DISC1: variants seen among roughly 807,000 people sequenced by gnomAD.
DISC1 encodes the protein disrupted in schizophrenia 1 protein.
DISC1 carries 57 observed loss-of-function variants against 84.5 expected under a neutral mutation model. The observed-to-expected ratio is 0.67, with a 90% CI of 0.55 to 0.84. The LOEUF is 0.84. Among genes scored for constraint, DISC1 ranks in the 40% least tolerant of loss-of-function variants. The pLI, the probability that DISC1 is intolerant of heterozygous loss-of-function variation, is 0.00. For missense variants in DISC1, 1,000 were observed against 1,057.8 expected (o/e 0.95, Z 0.76); for synonymous variants, 411 against 415.2 (o/e 0.99, Z 0.12).
chr1:231,640,954 C>T lies in DISC1; in HGVS notation c.67+14020C>T, dbSNP rs149501500. 2.8e-3 allele frequency among the ~76,000 whole-genome samples: 424 copies of T among 152,294 alleles called. 1 individual carries two copies. The highest frequency in any genetic ancestry group is 9.0e-3 in the African/African-American group (373 of 41,570). On this transcript the variant is annotated intron_variant, in intron 1 of 12. Coordinates refer to ENST00000439617, the MANE Select transcript of DISC1 (RefSeq NM_018662.3). Reference sequence around the variant, plus strand: ...TGCCTTTTGGATGAATCCTGTGATGCCACATTTTCCAGCCTTAGGACAAAT... The same window carrying T: ...TGCCTTTTGGATGAATCCTGTGATGTCACATTTTCCAGCCTTAGGACAAAT...
chr1:231,868,203 G>A (rs763300105), intron 9 of DISC1, among the ~76,000 whole-genome samples: 4 of 152,084 alleles, frequency 2.6e-5, no homozygotes, highest in Non-Finnish European at 2.9e-5. Flanking sequence ...CAAACCCTCC[G>A]TTCTCCCCTT....
chr1:231,705,839 G>A (rs947513821), intron 3 of DISC1, among the ~76,000 whole-genome samples: 13 of 152,110 alleles, frequency 8.5e-5, no homozygotes, highest in African/African-American at 3.1e-4. Flanking sequence ...GTGCAGCCCT[G>A]TTCTGTCTCA....
intron 12 of DISC1, among the ~76,000 whole-genome samples, chr1:232,027,281 G>A (rs1357869261): frequency 6.6e-6 from 1 of 152,202 alleles, no homozygotes; most frequent in Non-Finnish European, 1.5e-5. Context: ...GTAATGGGCA[G>A]TACAGTAACA....
intron 12 of DISC1, among the ~76,000 whole-genome samples, chr1:232,032,080 C>T (rs368218273): frequency 3.3e-5 from 5 of 152,116 alleles, no homozygotes; most frequent in African/African-American, 2.4e-5. Flanking sequence ...ATACCAAATC[C>T]AAAAATCCCA....
At chr1:231,844,625 G>C (rs559612653) in intron 9 of DISC1, among the ~76,000 whole-genome samples, 3 of 152,130 alleles carry the variant, frequency 2.0e-5, no homozygotes, top group Non-Finnish European at 2.9e-5. Flanking sequence ...TTATAGGAAG[G>C]TTTAAAAATT....
chr1:231,967,077 CTAA>C (rs1489616337), intron 10 of DISC1, among the ~76,000 whole-genome samples: 2 of 152,170 alleles, frequency 1.3e-5, no homozygotes, highest in African/African-American at 4.8e-5. Flanking sequence ...TTTTTAAAAA[CTAA>C]TGTTTACTTT....
intron 11 of DISC1, among the ~76,000 whole-genome samples, chr1:232,020,839 G>C (rs191395568): frequency 6.6e-6 from 1 of 152,172 alleles, no homozygotes; most frequent in Non-Finnish European, 1.5e-5. Context: ...ATTAGAAATT[G>C]AGGTAGAGTT....
chr1:231,903,960 T>A (rs1481651508), intron 9 of DISC1, among the ~76,000 whole-genome samples: 1 of 152,162 alleles, frequency 6.6e-6, no homozygotes, highest in Non-Finnish European at 1.5e-5. Context: ...CAGAAGAAAC[T>A]GCAAAAGCAG....
intron 8 of DISC1, among the ~76,000 whole-genome samples, chr1:231,815,749 A>AAAAAG (rs1553361758): frequency 1.3e-5 from 2 of 151,566 alleles, no homozygotes; most frequent in East Asian, 3.9e-4. Flanking sequence ...AAAAAAAAAA[A>AAAAAG]AAAGAAAGAA....
At chr1:231,654,938 G>A (rs1455685736) in intron 1 of DISC1, among the ~76,000 whole-genome samples, 1 of 152,130 alleles carries the variant, frequency 6.6e-6, no homozygotes, top group East Asian at 1.9e-4. Flanking sequence ...TTTGCTACAA[G>A]GCTGAATCTT....
At chr1:232,014,402 T>C (rs1004493383) in intron 11 of DISC1, among the ~76,000 whole-genome samples, 1 of 152,204 alleles carries the variant, frequency 6.6e-6, no homozygotes, top group African/African-American at 2.4e-5. Flanking sequence ...GTTTAATGTC[T>C]TTGGGGAGAA....
intron 9 of DISC1, among the ~76,000 whole-genome samples, chr1:231,864,280 G>C (rs2125931131): frequency 6.6e-6 from 1 of 152,140 alleles, no homozygotes; most frequent in African/African-American, 2.4e-5. Context: ...TATGTCGTCT[G>C]TATAACAAGC....
intron 10 of DISC1, among the ~76,000 whole-genome samples, chr1:232,004,839 C>T (rs915803562): frequency 2.0e-5 from 3 of 150,606 alleles, no homozygotes; most frequent in African/African-American, 7.3e-5. Flanking sequence ...CTCCCTCCCT[C>T]GCTCCATCTC....
At chr1:231,711,199 T>C (rs1419801772) in intron 3 of DISC1, among the ~76,000 whole-genome samples, 2 of 152,040 alleles carry the variant, frequency 1.3e-5, no homozygotes, top group Non-Finnish European at 2.9e-5. Flanking sequence ...TACCATGCCA[T>C]GGTGGACAAA....
intron 10 of DISC1, among the ~76,000 whole-genome samples, chr1:232,007,333 G>T (rs1007863921): frequency 6.6e-6 from 1 of 152,154 alleles, no homozygotes; most frequent in African/African-American, 2.4e-5. Context: ...GTGCTAGCCC[G>T]TGAAAGCAGC....
chr1:231,777,736 CTTAG>C (rs1275875243), intron 6 of DISC1, among the ~76,000 whole-genome samples: 26 of 152,300 alleles, frequency 1.7e-4, no homozygotes, highest in African/African-American at 6.3e-4. Flanking sequence ...GTCTGTCCTT[CTTAG>C]TTAGACTGGT....
At chr1:232,015,782 G>A (rs971921230) in intron 11 of DISC1, among the ~76,000 whole-genome samples, 1 of 152,136 alleles carries the variant, frequency 6.6e-6, no homozygotes, top group African/African-American at 2.4e-5. Flanking sequence ...TCAGTGAATC[G>A]TTTAATGCCT....
chr1:231,835,271 G>C lies in DISC1; in HGVS notation c.1981+16754G>C, dbSNP rs1175265200. On this transcript the variant is annotated intron_variant, in intron 9 of 12. Coordinates refer to ENST00000439617, the MANE Select transcript of DISC1 (RefSeq NM_018662.3). ...TCCGTGTGAAGAGACCGCTAAACAG[G>C]CTTTGTGTGAGCAACAAGGCTGTTT... 5.3e-5 allele frequency among the ~76,000 whole-genome samples: 8 copies of C among 152,314 alleles called. No individual in the cohort carries two copies. The East Asian group carries it at 1.4e-3, about 26-fold the overall frequency.
At chr1:231,919,958 C>T (rs930481964) in intron 9 of DISC1, among the ~76,000 whole-genome samples, 3 of 152,188 alleles carry the variant, frequency 2.0e-5, no homozygotes, top group African/African-American at 4.8e-5. Context: ...TTGCCTCTCT[C>T]GGGCAGAGCT....
Sources: allele counts gnomAD v4.1 joint callset (sites outside exome capture counted in the v4.1 genomes callset), GRCh38; gene constraint gnomAD v4.1.1; transcripts MANE v1.5; gene names NCBI Gene and HGNC (gene_info 2026-07-23, HGNC 2026-07-21).